Variants in INTS7 observed in about 807,000 individuals in gnomAD.
INTS7 encodes chromosome 1 open reading frame 73.
Under a neutral mutation model 109.2 loss-of-function variants are expected in INTS7, and 46 were observed. The observed-to-expected ratio is 0.42, with a 90% CI of 0.33 to 0.54. The LOEUF (loss-of-function observed/expected upper bound fraction) is 0.54, where lower values mean the gene tolerates loss of function less well. Ranked by LOEUF, INTS7 falls within the 20% of genes least tolerant of loss-of-function variation. INTS7 has a pLI of 0.07. For missense variants in INTS7, 929 were observed against 1,132.4 expected (o/e 0.82, Z 2.58); for synonymous variants, 412 against 402.9 (o/e 1.02, Z -0.27).
chr1:211,979,800 C>G (rs374410392), intron 10 of INTS7, among the ~76,000 whole-genome samples: 10 of 152,318 alleles, frequency 6.6e-5, no homozygotes, highest in East Asian at 1.9e-4. Flanking sequence ...TCGATTCCAT[C>G]TTTCACAACT....
In INTS7 at chr1:211,978,511, T is replaced by G; in HGVS notation, c.1231A>C (p.Ile411Leu). 1 of 1,613,690 alleles carries G rather than the reference T, an allele frequency of 6.2e-7. No homozygotes were observed. The highest frequency in any genetic ancestry group is 8.5e-7 in the Non-Finnish European group (1 of 1,179,802). Residue 411 changes from isoleucine (I) to leucine (L), a missense_variant and splice_region_variant, in exon 11 of 20, where the codon ATT becomes CTT. By Grantham distance (5) the Ile-to-Leu change is conservative. Around this residue, in one of 2 missense-constraint regions of INTS7, gnomAD observed 787 missense variants for 901.1 expected, o/e 0.87. Coordinates refer to ENST00000366994, the MANE Select transcript of INTS7 (RefSeq NM_015434.4). ...AACTTCACCATACAGTTTAGAGCAA[T>G]CTGCACGCCAAAAAGAAAATGAACT... Reference protein sequence around the residue: ...DSPGAQATLKIALNCMVKLAK... With the variant: ...DSPGAQATLKLALNCMVKLAK...
At position 212,006,625 on chromosome 1, in the gene INTS7, C is replaced by T; in HGVS notation, c.879+14G>A. ...ATTATTTTTTCTATATAAAATGTTA[C>T]AAGTTCTACATACCTGAATATTCTC... On this transcript the variant is annotated intron_variant, in intron 7 of 19. Transcript: ENST00000366994. 7.2e-7 allele frequency: 1 copy of T among 1,395,508 alleles called. No homozygotes were observed. The highest frequency in any genetic ancestry group is 9.7e-7 in the Non-Finnish European group (1 of 1,025,988). The allele number at this position is 1,395,508 out of a possible 1,614,324, so 86.4% of individuals were successfully genotyped here.
chr1:211,944,252 C>CTCCTGA (rs1178270041), intron 19 of INTS7, among the ~76,000 whole-genome samples: 1 of 152,058 alleles, frequency 6.6e-6, no homozygotes, highest in African/African-American at 2.4e-5. Flanking sequence ...TTGAAGGGAC[C>CTCCTGA]TCCTGATGTA....
chr1:211,977,996 G>A (rs1272000437), intron 11 of INTS7, among the ~76,000 whole-genome samples: 7 of 152,006 alleles, frequency 4.6e-5, no homozygotes, highest in Admixed American at 4.6e-4. Flanking sequence ...GAGATTGAAG[G>A]CTTTGGCTAT....
intron 17 of INTS7, among the ~76,000 whole-genome samples, chr1:211,947,606 C>T (rs1222908984): frequency 6.6e-6 from 1 of 152,114 alleles, no homozygotes; most frequent in African/African-American, 2.4e-5. Flanking sequence ...GATTCAGCAA[C>T]GGATAAATAA....
chr1:211,946,543 C>A lies in INTS7; in HGVS notation c.2415+64G>T. The stretch of plus-strand genomic sequence containing the variant: ...CACACTGAAGTGTAGCTATGTCCTA[C>A]ATAATCTTCAGAAGACACCTGGTTT... On this transcript the variant is annotated intron_variant, in intron 18 of 19. Transcript: ENST00000366994. This position sits in a 1 kb window ranked among gnomAD's most constrained non-coding sequence, Gnocchi z 4.3. 1 of 941,704 alleles carries A rather than the reference C, an allele frequency of 1.1e-6. No individual in the cohort carries two copies. Among genetic ancestry groups the A allele is most frequent in the Non-Finnish European group, 1.7e-6 (1 of 584,652 alleles). 58.3% of individuals were successfully genotyped at this position (941,704 alleles called of 1,614,324 possible). A position where few individuals can be genotyped will look rare whatever the true frequency, so the allele number is the denominator to read the frequency against.
At chr1:211,954,023 G>A (rs1347560196) in intron 16 of INTS7, among the ~76,000 whole-genome samples, 1 of 152,016 alleles carries the variant, frequency 6.6e-6, no homozygotes, top group Non-Finnish European at 1.5e-5. Flanking sequence ...CCAACAGTGT[G>A]AAAGTGTTCC....
rs773236040 is a variant in INTS7 at position 211,941,895 on chromosome 1, G to A, written c.2818C>T (p.Arg940Cys). The A allele has an allele frequency of 8.7e-6, 14 of 1,614,160 alleles. No homozygotes were observed. Among genetic ancestry groups the A allele is most frequent in the South Asian group, 2.2e-5 (2 of 91,084 alleles). Residue 940 changes from arginine to cysteine, a missense_variant, in exon 20 of 20, where the codon CGC (arginine) becomes TGC (cysteine). Transcript: ENST00000366994. ...SLEDPYSQQI[R>C]LQQQQAQQPL... ...TGCTGGGCTTGCTGCTGTTGTAAGC[G>A]AATTTGCTGGGAATAAGGGTCTTCC...
In INTS7 at chr1:211,940,801, T is replaced by G. The variant is rs549170989; in HGVS notation, c.*1023A>C. ...ACCAATCACCAACCAAAGGAAAAGA[T>G]CCACCCCTTCTAACTTAAAACATTG... On this transcript the variant is annotated 3_prime_UTR_variant, in exon 20 of 20. Coordinates refer to ENST00000366994, the MANE Select transcript of INTS7 (RefSeq NM_015434.4). 6.6e-6 allele frequency: 1 copy of G among 152,296 alleles called. No homozygotes were observed. Among genetic ancestry groups the G allele is most frequent in the East Asian group, 1.9e-4 (1 of 5,186 alleles). 9.4% of individuals were successfully genotyped at this position (152,296 alleles called of 1,614,324 possible). A position where few individuals can be genotyped will look rare whatever the true frequency, so the allele number is the denominator to read the frequency against.
At chr1:212,004,870 A>T (rs1481096277) in intron 7 of INTS7, among the ~76,000 whole-genome samples, 1 of 152,240 alleles carries the variant, frequency 6.6e-6, no homozygotes, top group African/African-American at 2.4e-5. Flanking sequence ...TAAACTGGTA[A>T]AAAACGTAAG....
intron 8 of INTS7, among the ~76,000 whole-genome samples, chr1:211,983,204 A>G (rs1334700832): frequency 6.6e-6 from 1 of 152,060 alleles, no homozygotes; most frequent in African/African-American, 2.4e-5. Context: ...AAAAATTTAA[A>G]TTTGCTTTTT....
At chr1:212,013,183 GTA>G (rs1214544422) in intron 4 of INTS7, among the ~76,000 whole-genome samples, 1 of 151,550 alleles carries the variant, frequency 6.6e-6, no homozygotes, top group Non-Finnish European at 1.5e-5. Flanking sequence ...CTAGGTTAAT[GTA>G]TGTGTCTCTG....
intron 11 of INTS7, 109 bp downstream of exon 11, chr1:211,978,163 T>C (rs1232121738): frequency 3.2e-6 from 4 of 1,258,592 alleles, no homozygotes; most frequent in East Asian, 2.3e-5. Context: ...ATTTAACCTA[T>C]TGTTTGTTCT....
intron 4 of INTS7, 71 bp downstream of exon 4, chr1:212,016,815 A>T: frequency 8.3e-7 from 1 of 1,207,182 alleles, no homozygotes; most frequent in Non-Finnish European, 1.2e-6. Flanking sequence ...ATATAAGTTG[A>T]TCAGTTTTTC....
chr1:211,958,952 G>C (rs1663485914), intron 16 of INTS7, among the ~76,000 whole-genome samples: 1 of 152,214 alleles, frequency 6.6e-6, no homozygotes. Context: ...GGAAGACACA[G>C]AAGCTGGGCT....
At chr1:211,962,301 T>C (rs1483624271) in intron 16 of INTS7, among the ~76,000 whole-genome samples, 1 of 107,620 alleles carries the variant, frequency 9.3e-6, no homozygotes, top group Non-Finnish European at 2.0e-5. Context: ...TATTACATAA[T>C]GGTAAAAGGT....
intron 1 of INTS7, among the ~76,000 whole-genome samples, chr1:212,026,502 G>C (rs1297476828): frequency 1.3e-5 from 2 of 152,126 alleles, no homozygotes; most frequent in African/African-American, 4.8e-5. Context: ...TGAAGCTCTA[G>C]AAATCCTTTT....
At chr1:212,033,960 G>T (rs985520050) in intron 1 of INTS7, among the ~76,000 whole-genome samples, 2 of 152,114 alleles carry the variant, frequency 1.3e-5, no homozygotes, top group African/African-American at 4.8e-5. Context: ...GCGGGCGCCT[G>T]TAATTCCAGC....
Position 212,035,367 on chromosome 1 carries a change from G to C in INTS7, c.71C>G (p.Ser24Cys). 2 of 1,613,244 alleles carry C rather than the reference G, an allele frequency of 1.2e-6. No homozygotes were observed. Among genetic ancestry groups the C allele is most frequent in the Non-Finnish European group, 1.7e-6 (2 of 1,179,124 alleles). Residue 24 changes from serine to cysteine, a missense_variant, in exon 1 of 20, where the codon TCT becomes TGT. Transcript: ENST00000366994. ...ACCTTTGTCCAATTCCATAAGGGCA[G>C]AGTTGGCATCCAGTTCCTGTTCGCC... ...GYGEQELDANSALMELDKGLR... is the reference protein window; with the variant it reads ...GYGEQELDANCALMELDKGLR...
Sources: allele counts gnomAD v4.1 joint callset (sites outside exome capture counted in the v4.1 genomes callset), GRCh38; gene constraint gnomAD v4.1.1; regional missense constraint gnomAD v4.1.1; non-coding constraint Gnocchi (gnomAD v3.1); transcripts MANE v1.5; gene names NCBI Gene and HGNC (gene_info 2026-07-23, HGNC 2026-07-21).